CDH17: variants seen among roughly 807,000 people sequenced by gnomAD.
CDH17 encodes cadherin 17.
CDH17 carries 67 observed loss-of-function variants against 86.3 expected under a neutral mutation model. The observed-to-expected ratio is 0.78, with a 90% CI of 0.64 to 0.95. CDH17 has a LOEUF of 0.95. Among genes scored for constraint, CDH17 ranks in the 40% least tolerant of loss-of-function variants. The pLI, the probability that CDH17 is intolerant of heterozygous loss-of-function variation, is 0.00. For synonymous variants in CDH17, 367 were observed against 366.4 expected, an observed-to-expected ratio of 1.00 and a Z score of -0.02; for missense variants, 993 against 1,017.6, an observed-to-expected ratio of 0.98 and a Z score of 0.33.
intron 3 of CDH17, 25 bp from the exon 4 acceptor site, chr8:94,177,746 T>G: frequency 6.2e-7 from 1 of 1,611,052 alleles, no homozygotes; most frequent in Non-Finnish European, 8.5e-7. Context: ...AAAAACAGAT[T>G]AAGTTGTAAG....
chr8:94,189,779 C>T (rs1371365036), intron 2 of CDH17, among the ~76,000 whole-genome samples: 2 of 152,170 alleles, frequency 1.3e-5, no homozygotes, highest in African/African-American at 2.4e-5. Flanking sequence ...AAAATATAGA[C>T]GTATTTAGTA....
At chr8:94,163,246 C>T (rs1453853434) in intron 10 of CDH17, among the ~76,000 whole-genome samples, 2 of 152,232 alleles carry the variant, frequency 1.3e-5, no homozygotes, top group Non-Finnish European at 2.9e-5. Flanking sequence ...GGTCACACAA[C>T]TAACTAGTGA....
At chr8:94,167,545 C>G (rs186250996) in intron 9 of CDH17, among the ~76,000 whole-genome samples, 1 of 152,300 alleles carries the variant, frequency 6.6e-6, no homozygotes, top group African/African-American at 2.4e-5. Context: ...CAGGGACCAT[C>G]GGAATGAATA....
chr8:94,216,473 C>T (rs1405298297), intron 1 of CDH17, among the ~76,000 whole-genome samples: 1 of 151,938 alleles, frequency 6.6e-6, no homozygotes, highest in Non-Finnish European at 1.5e-5. Context: ...CCCTCACTTC[C>T]TTGCTGGAGT....
At chr8:94,131,057 C>T (rs750428578) in intron 15 of CDH17, 65 bp from the exon 16 acceptor site, 1 of 840,964 alleles carries the variant, frequency 1.2e-6, no homozygotes, top group Non-Finnish European at 2.0e-6. Flanking sequence ...GAATAAAGCT[C>T]ATTTTGTATC....
rs781239281 is a variant in CDH17, at chr8:94,174,103, C to G, written c.582G>C (p.Glu194Asp). Residue 194 changes from glutamate (E) to aspartate (D), a missense_variant and splice_region_variant, in exon 6 of 18, where the codon GAG (glutamate) becomes GAC (aspartate). Physicochemically the swap from Glu to Asp is conservative, Grantham distance 45 (BLOSUM62 2). Transcript: ENST00000027335. Reference sequence around the variant, plus strand: ...CTACCAGGGCACCCCTGAACTTACCCTCTCGGGTAAGAGAGATGGCTCCCG... The same window carrying G: ...CTACCAGGGCACCCCTGAACTTACCGTCTCGGGTAAGAGAGATGGCTCCCG... ...NKTGAISLTR[E>D]GSQELNPAKN... The G allele has an allele frequency of 1.1e-5, 18 of 1,613,464 alleles. No homozygotes were observed. Among genetic ancestry groups the G allele is most frequent in the Non-Finnish European group, 1.5e-5 (18 of 1,179,680 alleles).
At chr8:94,135,178 A>C (rs202213819) in intron 15 of CDH17, among the ~76,000 whole-genome samples, 7 of 152,020 alleles carry the variant, frequency 4.6e-5, no homozygotes, top group Admixed American at 2.6e-4. Context: ...ATTAGGTCTG[A>C]TTGGTGCAGA....
At chr8:94,159,045 ACT>A (rs1404876205) in intron 12 of CDH17, among the ~76,000 whole-genome samples, 1 of 152,050 alleles carries the variant, frequency 6.6e-6, no homozygotes, top group African/African-American at 2.4e-5. Flanking sequence ...GCGAGGTTTC[ACT>A]CTCTTTCCTA....
chr8:94,159,707 T>A (rs1458959181), intron 12 of CDH17, among the ~76,000 whole-genome samples: 4 of 152,292 alleles, frequency 2.6e-5, no homozygotes, highest in Middle Eastern at 3.4e-3. Context: ...AAATTGTTCA[T>A]CCTGCATTTT....
At chr8:94,187,150 A>G (rs1813596672) in intron 3 of CDH17, among the ~76,000 whole-genome samples, 1 of 152,262 alleles carries the variant, frequency 6.6e-6, no homozygotes, top group Admixed American at 6.5e-5. Context: ...GATAAGTGAG[A>G]TAATGCATAT....
chr8:94,149,031 T>TATA (rs143357517), intron 13 of CDH17, among the ~76,000 whole-genome samples, 157 bp from the exon 14 acceptor site: 1 of 151,926 alleles, frequency 6.6e-6, no homozygotes, highest in Non-Finnish European at 1.5e-5. Flanking sequence ...CAGCATTACT[T>TATA]GTATATTATT....
upstream of CDH17, among the ~76,000 whole-genome samples, chr8:94,213,363 C>T (rs1268505657): frequency 2.6e-5 from 4 of 152,172 alleles, no homozygotes; most frequent in Admixed American, 1.3e-4. Context: ...AGTAAATATT[C>T]TTCAGCAAAG....
intron 1 of CDH17, chr8:94,201,960 C>A (rs1272429058): frequency 4.4e-6 from 1 of 227,828 alleles, no homozygotes; most frequent in Non-Finnish European, 8.7e-6. Context: ...AGGGCACACA[C>A]AGATTGCAGG....
chr8:94,155,483 G>T (rs147006338), intron 12 of CDH17, among the ~76,000 whole-genome samples: 1,679 of 152,218 alleles, frequency 0.011, 19 homozygotes, highest in Non-Finnish European at 0.016. Flanking sequence ...CATATGCTCA[G>T]ACAGAGCACA....
chr8:94,170,306 A>G, intron 9 of CDH17, 91 bp downstream of exon 9: 1 of 1,310,098 alleles, frequency 7.6e-7, no homozygotes, highest in Non-Finnish European at 1.1e-6. Flanking sequence ...TGGATTACTG[A>G]CTCCCAGTAA....
At chr8:94,156,866 A>G (rs892958870) in intron 12 of CDH17, among the ~76,000 whole-genome samples, 1 of 152,208 alleles carries the variant, frequency 6.6e-6, no homozygotes, top group Non-Finnish European at 1.5e-5. Flanking sequence ...TCCTTACTAG[A>G]AAGGTGCTAC....
chr8:94,200,335 G>A (rs1390450229), intron 1 of CDH17, among the ~76,000 whole-genome samples: 1 of 151,964 alleles, frequency 6.6e-6, no homozygotes, highest in East Asian at 1.9e-4. Context: ...GAAAAGAATT[G>A]AAATAGATTT....
chr8:94,164,667 C>T (rs550424043), intron 10 of CDH17, among the ~76,000 whole-genome samples: 13 of 152,240 alleles, frequency 8.5e-5, no homozygotes, highest in South Asian at 8.3e-4. Context: ...CAGTGTGAAA[C>T]GTTTCTTGTT....
At chr8:94,184,191 G>T (rs1813533513) in intron 3 of CDH17, among the ~76,000 whole-genome samples, 1 of 150,904 alleles carries the variant, frequency 6.6e-6, no homozygotes, top group Non-Finnish European at 1.5e-5. Flanking sequence ...CTTTGACCCA[G>T]CAGTCCTGCT....
Sources: gnomAD v4.1 joint callset for allele counts (sites outside exome capture counted in the v4.1 genomes callset) on GRCh38, gnomAD v4.1.1 for gene constraint, MANE v1.5 for transcripts, NCBI Gene and HGNC (gene_info 2026-07-23, HGNC 2026-07-21) for gene names.